Variants in PRL observed in about 807,000 individuals in gnomAD.
PRL encodes prolactin, also known as decidual prolactin.
In PRL, 24 loss-of-function variants were observed where a neutral mutation model predicts 21.3. That is an observed-to-expected ratio of 1.13 (90% CI 0.82 to 1.59). The LOEUF (loss-of-function observed/expected upper bound fraction) is 1.59. Among genes scored for constraint, PRL ranks in the 40% most tolerant of loss-of-function variants. The pLI, the probability that PRL is intolerant of heterozygous loss-of-function variation, is 0.00. For synonymous variants in PRL, 118 were observed against 115.7 expected (o/e 1.02, Z -0.13); for missense variants, 243 against 286.9 (o/e 0.85, Z 1.10).
chr6:22,299,491 T>A (rs1761243732), upstream of PRL, among the ~76,000 whole-genome samples: 1 of 152,212 alleles, frequency 6.6e-6, no homozygotes, highest in Non-Finnish European at 1.5e-5. Flanking sequence ...TATCTGTTTT[T>A]AAGTTTGGAA....
chr6:22,302,036 A>C (rs903611401), upstream of PRL, among the ~76,000 whole-genome samples: 2 of 152,166 alleles, frequency 1.3e-5, no homozygotes, highest in Admixed American at 1.3e-4. Flanking sequence ...TAATAAAATA[A>C]ATGGAAAATA....
intron 2 of PRL, among the ~76,000 whole-genome samples, chr6:22,293,210 A>AAAT (rs1352651562): frequency 6.6e-6 from 1 of 152,184 alleles, no homozygotes; most frequent in Non-Finnish European, 1.5e-5. Context: ...AATTATGACA[A>AAAT]AATAATTCAG....
intron 2 of PRL, among the ~76,000 whole-genome samples, chr6:22,293,687 A>T (rs1204682530): frequency 1.0e-5 from 1 of 95,846 alleles, no homozygotes. Flanking sequence ...AGGAAGGAAA[A>T]AAGGAAGGAA....
upstream of PRL, among the ~76,000 whole-genome samples, chr6:22,300,037 A>G (rs1367733967): frequency 1.3e-5 from 2 of 152,214 alleles, no homozygotes; most frequent in Non-Finnish European, 2.9e-5. Flanking sequence ...AGTATTGTCT[A>G]TGAATTGAAA....
intron 2 of PRL, among the ~76,000 whole-genome samples, chr6:22,293,552 T>C (rs762458747): frequency 6.7e-6 from 1 of 148,948 alleles, no homozygotes; most frequent in Non-Finnish European, 1.5e-5. Context: ...AGAAATAGAG[T>C]ACATATTTCT....
chr6:22,299,781 G>A (rs1477529350), upstream of PRL, among the ~76,000 whole-genome samples: 1 of 152,190 alleles, frequency 6.6e-6, no homozygotes, highest in Non-Finnish European at 1.5e-5. Flanking sequence ...AGAGGTTGCA[G>A]TGAGCCAAGT....
At chr6:22,293,673 GGGAAGGAA>G (rs1761109878) in intron 2 of PRL, among the ~76,000 whole-genome samples, 1 of 29,372 alleles carries the variant, frequency 3.4e-5, no homozygotes, top group Non-Finnish European at 7.0e-5. Context: ...GAAGGAAGGA[GGGAAGGAA>G]GGAAAAAAGG....
chr6:22,300,130 AG>A (rs1382008025), upstream of PRL, among the ~76,000 whole-genome samples: 2 of 152,320 alleles, frequency 1.3e-5, no homozygotes, highest in East Asian at 1.9e-4. Context: ...GACAATGTAA[AG>A]GGCACATTGG....
upstream of PRL, among the ~76,000 whole-genome samples, chr6:22,300,540 G>A (rs1413015259): frequency 2.0e-5 from 3 of 152,134 alleles, no homozygotes; most frequent in Non-Finnish European, 2.9e-5. Context: ...ACCATTACTC[G>A]TTTAGGGTGC....
intron 2 of PRL, 24 bp from the exon 3 acceptor site, chr6:22,292,669 A>G: frequency 1.3e-6 from 2 of 1,593,242 alleles, no homozygotes; most frequent in Non-Finnish European, 1.7e-6. Flanking sequence ...GACAAATTCA[A>G]TTAGTTGGGG....
At chr6:22,294,356 A>T in intron 2 of PRL, 53 bp downstream of exon 2, 1 of 1,601,476 alleles carries the variant, frequency 6.2e-7, no homozygotes, top group Admixed American at 1.7e-5. Flanking sequence ...AGCAGAGCCC[A>T]GTAGTTCATG....
At chr6:22,295,448 A>T (rs1365224959) in intron 1 of PRL, among the ~76,000 whole-genome samples, 1 of 152,186 alleles carries the variant, frequency 6.6e-6, no homozygotes, top group Non-Finnish European at 1.5e-5. Context: ...AGTAGCCGTG[A>T]TGGCTCAGTG....
intron 2 of PRL, among the ~76,000 whole-genome samples, chr6:22,293,299 T>C (rs1187027736): frequency 6.6e-6 from 1 of 152,106 alleles, no homozygotes; most frequent in East Asian, 1.9e-4. Flanking sequence ...GCTGACACAT[T>C]GACAGGAAAG....
At position 22,294,467 on chromosome 6, in the gene PRL, C is replaced by T. The variant is rs1275415194; in HGVS notation, c.146G>A (p.Arg49His). The T allele has an allele frequency of 1.9e-6, 3 of 1,613,974 alleles. No individual in the cohort carries two copies. Among genetic ancestry groups the T allele is most frequent in the African/African-American group, 1.3e-5 (1 of 74,890 alleles). ...GATGTAGTGGGACAGGACGACGGCG[C>T]GGTCAAACAGGTCTCGAAGGGTCAC... is the stretch of plus-strand genomic sequence containing the variant. ...CQVTLRDLFD[R>H]AVVLSHYIHN... Residue 49 changes from arginine to histidine, a missense_variant, in exon 2 of 5, where the codon CGC becomes CAC. Transcript: ENST00000306482.
intron 2 of PRL, among the ~76,000 whole-genome samples, chr6:22,293,197 T>A (rs1370895969): frequency 6.6e-6 from 1 of 152,208 alleles, no homozygotes; most frequent in East Asian, 1.9e-4. Context: ...CAACTTTTTT[T>A]TAAATTATGA....
upstream of PRL, among the ~76,000 whole-genome samples, chr6:22,300,101 T>G (rs1423052870): frequency 6.6e-6 from 1 of 152,162 alleles, no homozygotes; most frequent in East Asian, 1.9e-4. Flanking sequence ...ACGTGTGCTG[T>G]TTTCAATATA....
upstream of PRL, among the ~76,000 whole-genome samples, chr6:22,298,055 G>A (rs987055681): frequency 6.6e-6 from 1 of 152,132 alleles, no homozygotes; most frequent in Admixed American, 6.5e-5. Flanking sequence ...TAGTTTTCCA[G>A]GGCAAACACA....
upstream of PRL, among the ~76,000 whole-genome samples, chr6:22,302,049 A>AT (rs1331933075): frequency 1.3e-5 from 2 of 152,186 alleles, no homozygotes; most frequent in African/African-American, 4.8e-5. Context: ...GGAAAATAAG[A>AT]TTAAAAAGAA....
intron 2 of PRL, 98 bp downstream of exon 2, chr6:22,294,311 A>C (rs116358700): frequency 0.011 from 15,940 of 1,409,910 alleles, 113 homozygotes; most frequent in Non-Finnish European, 0.013. Flanking sequence ...GTATCGTTTG[A>C]AATTTGGCTC....
Sources: gnomAD v4.1 joint callset for allele counts (sites outside exome capture counted in the v4.1 genomes callset) on GRCh38, gnomAD v4.1.1 for gene constraint, MANE v1.5 for transcripts, NCBI Gene and HGNC (gene_info 2026-07-23, HGNC 2026-07-21) for gene names.